Variants in LAMA2 observed in about 807,000 individuals in gnomAD.
LAMA2 encodes laminin subunit alpha 2, also known as laminin subunit alpha-2.
LAMA2 carries 269 observed loss-of-function variants against 364.8 expected under a neutral mutation model. That is an observed-to-expected ratio of 0.74 (90% confidence interval 0.67 to 0.82). LAMA2 has a LOEUF of 0.82. LAMA2 is among the 40% of genes least tolerant of loss of function. The pLI, the probability that LAMA2 is intolerant of heterozygous loss-of-function variation, is 0.00. For missense variants in LAMA2, 3,807 were observed against 3,873.2 expected, an observed-to-expected ratio of 0.98 and a Z score of 0.45; for synonymous variants, 1,379 against 1,370.6, an observed-to-expected ratio of 1.01 and a Z score of -0.14.
intron 58 of LAMA2, among the ~76,000 whole-genome samples, chr6:129,498,780 T>A (rs1785396426): frequency 6.6e-6 from 1 of 152,212 alleles, no homozygotes; most frequent in South Asian, 2.1e-4. Flanking sequence ...AATATAAATC[T>A]CTGCTCAGGA....
chr6:129,170,670 T>C (rs567265265), intron 9 of LAMA2, among the ~76,000 whole-genome samples: 25 of 152,012 alleles, frequency 1.6e-4, no homozygotes, highest in Admixed American at 1.2e-3. Flanking sequence ...CTGTAGATGT[T>C]TATTAGGTCC....
rs567632798 is a variant in LAMA2 at position 129,463,967 on chromosome 6, A to T, written c.6993-323A>T. On this transcript the variant is annotated intron_variant, in intron 49 of 64. Transcript: ENST00000421865. The stretch of plus-strand genomic sequence containing the variant: ...ATAATGTATTCTCAGCCCATCCAGA[A>T]ACCCCGCCCCTTTGCCCAAATACCA... 6.6e-5 allele frequency among the ~76,000 whole-genome samples: 10 copies of T among 152,060 alleles called. No individual in the cohort carries two copies. In the South Asian group the frequency reaches 1.9e-3, roughly 28 times the overall value.
At chr6:129,083,549 A>C (rs1181618453) in intron 3 of LAMA2, among the ~76,000 whole-genome samples, 2 of 152,234 alleles carry the variant, frequency 1.3e-5, no homozygotes, top group Admixed American at 1.3e-4. Context: ...AAACAAACAA[A>C]AAACAACACC....
At chr6:129,076,710 TA>T (rs1013298740) in intron 3 of LAMA2, among the ~76,000 whole-genome samples, 9 of 151,632 alleles carry the variant, frequency 5.9e-5, no homozygotes, top group African/African-American at 2.2e-4. Context: ...TAGCAGATAA[TA>T]ACATCTTTTA....
chr6:128,989,715 G>T (rs1219206536), intron 1 of LAMA2, among the ~76,000 whole-genome samples: 1 of 152,168 alleles, frequency 6.6e-6, no homozygotes, highest in African/African-American at 2.4e-5. Flanking sequence ...ACTAAGAATA[G>T]TTATAAATAT....
intron 41 of LAMA2, among the ~76,000 whole-genome samples, chr6:129,428,510 A>G (rs1267515656): frequency 6.6e-6 from 1 of 152,188 alleles, no homozygotes; most frequent in Admixed American, 6.5e-5. Context: ...GCTGGAGTGC[A>G]GTGGTGCGAT....
rs536809511 is a variant in LAMA2, at chr6:129,038,708, A to G, written c.113-11210A>G. Among the ~76,000 whole-genome samples, 78 of 152,296 alleles carry G rather than the reference A, an allele frequency of 5.1e-4. No homozygotes were observed. In the South Asian group the frequency reaches 0.014, roughly 28 times the overall value. ...ATTCCTAGGCCAAAGTCACATGTAC[A>G]TGCCCTAACTGCTATAGGGTAGGGA... On this transcript the variant is annotated intron_variant, in intron 1 of 64. Coordinates refer to ENST00000421865, the MANE Select transcript of LAMA2 (RefSeq NM_000426.4).
intron 3 of LAMA2, among the ~76,000 whole-genome samples, chr6:129,076,496 T>C (rs1362609622): frequency 8.3e-5 from 1 of 12,018 alleles, no homozygotes; most frequent in Non-Finnish European, 2.7e-4. Flanking sequence ...ATATATTATA[T>C]ATAAATATAT....
intron 12 of LAMA2, among the ~76,000 whole-genome samples, chr6:129,238,162 G>GGCCTATGTCCCAATATTCTTCCCAA (rs1785127621): frequency 6.8e-6 from 1 of 146,736 alleles, no homozygotes; most frequent in Non-Finnish European, 1.5e-5. Context: ...AACAGAGCAA[G>GGCCTATGTCCCAATATTCTTCCCAA]ACTCCATCTC....
intron 17 of LAMA2, among the ~76,000 whole-genome samples, chr6:129,279,601 T>C (rs768290882): frequency 6.6e-6 from 1 of 152,134 alleles, no homozygotes; most frequent in African/African-American, 2.4e-5. Flanking sequence ...CACGCCCCAC[T>C]ATGGCAGTAG....
chr6:129,079,371 C>T (rs9398895), intron 3 of LAMA2, among the ~76,000 whole-genome samples: 144,452 of 152,140 alleles, frequency 0.95, 68,647 homozygotes, highest in East Asian at 0.97. Context: ...ATGGGCTTCA[C>T]GCATTGAATG....
intron 1 of LAMA2, among the ~76,000 whole-genome samples, chr6:128,990,762 T>TGC (rs1231295648): frequency 6.6e-6 from 1 of 152,102 alleles, no homozygotes; most frequent in Non-Finnish European, 1.5e-5. Context: ...TGTGTGGGTG[T>TGC]GTGTGTGTGC....
intron 62 of LAMA2, among the ~76,000 whole-genome samples, chr6:129,512,100 A>G (rs1786632200): frequency 6.6e-6 from 1 of 152,154 alleles, no homozygotes; most frequent in African/African-American, 2.4e-5. Flanking sequence ...TAAAATGGTG[A>G]AAAATATAGA....
At chr6:129,210,232 C>A (rs1045970032) in intron 12 of LAMA2, among the ~76,000 whole-genome samples, 2 of 151,846 alleles carry the variant, frequency 1.3e-5, no homozygotes, top group Non-Finnish European at 2.9e-5. Context: ...AACAAACAAA[C>A]AAAAAAACCT....
intron 12 of LAMA2, among the ~76,000 whole-genome samples, chr6:129,197,789 A>G (rs1027495022): frequency 6.6e-6 from 1 of 152,230 alleles, no homozygotes; most frequent in Non-Finnish European, 1.5e-5. Context: ...TTTATTTCCC[A>G]TAGCTATGAT....
At chr6:129,408,113 G>A (rs1386848404) in intron 40 of LAMA2, among the ~76,000 whole-genome samples, 2 of 152,142 alleles carry the variant, frequency 1.3e-5, no homozygotes, top group African/African-American at 4.8e-5. Flanking sequence ...GGAACAGGAA[G>A]CAAAATTTTG....
At chr6:129,197,266 A>G (rs1303609543) in intron 12 of LAMA2, among the ~76,000 whole-genome samples, 1 of 152,276 alleles carries the variant, frequency 6.6e-6, no homozygotes, top group Admixed American at 6.5e-5. Context: ...TCTTTTCTGG[A>G]GAGTCAGATA....
intron 3 of LAMA2, among the ~76,000 whole-genome samples, chr6:129,093,638 T>C (rs1774985897): frequency 6.6e-6 from 1 of 152,268 alleles, no homozygotes; most frequent in African/African-American, 2.4e-5. Context: ...GATCAAGTTC[T>C]TAATACTCTT....
At chr6:129,438,251 T>C (rs767975911) in intron 41 of LAMA2, among the ~76,000 whole-genome samples, 1 of 152,022 alleles carries the variant, frequency 6.6e-6, no homozygotes, top group East Asian at 1.9e-4. Context: ...TTTGAAAATC[T>C]AATCCAATGA....
Sources: allele counts gnomAD v4.1 joint callset (sites outside exome capture counted in the v4.1 genomes callset), GRCh38; gene constraint gnomAD v4.1.1; transcripts MANE v1.5; gene names NCBI Gene and HGNC (gene_info 2026-07-23, HGNC 2026-07-21).